FCAR: variants seen among roughly 807,000 people sequenced by gnomAD.
The protein encoded by FCAR is immunoglobulin alpha Fc receptor.
Under a neutral mutation model 27.1 loss-of-function variants are expected in FCAR, and 21 were observed. The observed-to-expected ratio is 0.77, with a 90% confidence interval of 0.55 to 1.11. FCAR has a LOEUF of 1.11. Ranked by LOEUF, FCAR falls within the 50% of genes most tolerant of loss-of-function variation. The probability of loss-of-function intolerance (pLI) is 0.00; values close to 1 mark genes in which losing one functional copy is unlikely to be tolerated. For synonymous variants in FCAR, 134 were observed against 135.8 expected, an observed-to-expected ratio of 0.99 and a Z score of 0.09; for missense variants, 404 against 358.4, an observed-to-expected ratio of 1.13 and a Z score of -1.03.
intron 2 of FCAR, among the ~76,000 whole-genome samples, chr19:54,881,399 T>G (rs1437109452): frequency 1.3e-5 from 2 of 152,054 alleles, no homozygotes; most frequent in East Asian, 1.9e-4. Flanking sequence ...GACCTTCCGT[T>G]GCCTCTGGGA....
intron 2 of FCAR, among the ~76,000 whole-genome samples, chr19:54,880,418 T>G (rs2066346724): frequency 6.6e-6 from 1 of 152,230 alleles, no homozygotes; most frequent in South Asian, 2.1e-4. Flanking sequence ...TTTGGTTCTT[T>G]CAAAATGACC....
At chr19:54,875,238 A>G in intron 1 of FCAR, 92 bp from the exon 2 acceptor site, 1 of 1,002,852 alleles carries the variant, frequency 1.0e-6, no homozygotes, top group Non-Finnish European at 1.6e-6. Flanking sequence ...TCCATCTGGT[A>G]CTGGTCTTTT....
Position 54,890,775 on chromosome 19 carries a change from T to A in FCAR, c.*912T>A, listed in dbSNP as rs2067037346. The A allele has an allele frequency of 6.6e-6, 1 of 152,142 alleles. No homozygotes were observed. Among genetic ancestry groups the A allele is most frequent in the Non-Finnish European group, 1.5e-5 (1 of 68,032 alleles). The allele number at this position is 152,142 out of a possible 1,614,324, so 9.4% of individuals were successfully genotyped here. A position where few individuals can be genotyped will look rare whatever the true frequency, so the allele number is the denominator to read the frequency against. On this transcript the variant is annotated 3_prime_UTR_variant, in exon 5 of 5. Coordinates refer to ENST00000355524, the MANE Select transcript of FCAR (RefSeq NM_002000.4). ...GTCTTCCCCAAATATAAATGGTTGG[T>A]AAGCATGCCAAATATATTCAATAAC...
rs370102050 is a variant in FCAR, at chr19:54,889,671, G to A, written c.672G>A (p.Thr224=). The stretch of plus-strand genomic sequence containing the variant: ...CAGACTCCATCCACCAAGATTACAC[G>A]ACGCAGAACTTGATCCGCATGGCCG... ...VVTDSIHQDY[T]TQNLIRMAVA... Residue 224 remains threonine, a synonymous_variant, in exon 5 of 5, where the codon ACG becomes ACA. Transcript: ENST00000355524. 2.5e-5 allele frequency: 41 copies of A among 1,613,896 alleles called. No homozygotes were observed. In the African/African-American group the frequency reaches 2.7e-4, roughly 11 times the overall value.
rs753943019 is a variant in FCAR at position 54,889,840 on chromosome 19, C to T, written c.841C>T (p.Arg281Ter). The T allele has an allele frequency of 5.6e-6, 9 of 1,605,302 alleles. No individual in the cohort carries two copies. The highest frequency in any genetic ancestry group is 2.7e-5 in the African/African-American group (2 of 74,860). The change falls in exon 5 of 5, where the codon CGA becomes TGA. Residue 281 changes from arginine (R) to a stop codon, truncating the protein, a stop_gained. Transcript: ENST00000355524. LOFTEE classifies it high-confidence loss of function. The part of the protein sequence containing the change: ...QMCQPGLTFA[R>*]TPSVCK The stretch of plus-strand genomic sequence containing the variant: ...GTGTCAGCCAGGATTGACCTTTGCA[C>T]GAACACCAAGTGTCTGCAAGTAAAC...
chr19:54,886,837 A>G (rs1241253299), intron 3 of FCAR, among the ~76,000 whole-genome samples: 1 of 152,244 alleles, frequency 6.6e-6, no homozygotes, highest in African/African-American at 2.4e-5. Flanking sequence ...TGTTTTGCTC[A>G]TGACTAGACT....
chr19:54,890,610 A>G lies in FCAR; in HGVS notation c.*747A>G, dbSNP rs1252118270. The G allele has an allele frequency of 6.6e-6, 1 of 151,750 alleles. No homozygotes were observed. Among genetic ancestry groups the G allele is most frequent in the East Asian group, 2.0e-4 (1 of 5,114 alleles). 9.4% of individuals were successfully genotyped at this position (151,750 alleles called of 1,614,324 possible). Reference sequence around the variant, plus strand: ...GCCCAGCTACTTTTACAGTATTTTTAGTAGAGACGGGGTTTCATCACATTG... The same window carrying G: ...GCCCAGCTACTTTTACAGTATTTTTGGTAGAGACGGGGTTTCATCACATTG... On this transcript the variant is annotated 3_prime_UTR_variant, in exon 5 of 5. Transcript: ENST00000355524.
intron 3 of FCAR, among the ~76,000 whole-genome samples, chr19:54,886,962 T>C (rs1030573970): frequency 6.6e-6 from 1 of 152,198 alleles, no homozygotes; most frequent in African/African-American, 2.4e-5. Flanking sequence ...CTGGCTGTTG[T>C]TGAAAGCCTG....
At chr19:54,885,606 T>A in intron 3 of FCAR, 81 bp downstream of exon 3, 1 of 1,124,014 alleles carries the variant, frequency 8.9e-7, no homozygotes, top group Admixed American at 2.7e-5. Flanking sequence ...AAGTTTTAGA[T>A]TTACAAACAA....
intron 2 of FCAR, among the ~76,000 whole-genome samples, chr19:54,879,710 C>A (rs958759791): frequency 7.0e-6 from 1 of 143,662 alleles, no homozygotes; most frequent in Admixed American, 7.2e-5. Flanking sequence ...GAGTCTTGCT[C>A]TGTTGCCCAG....
Position 54,890,374 on chromosome 19 carries a change from T to G in FCAR, c.*511T>G, listed in dbSNP as rs2067012139. ...ATCTGTCTTCTGATTTTTTATATCC[T>G]GTTTAATTTCTTCCTTCATTGTTCT... On this transcript the variant is annotated 3_prime_UTR_variant, in exon 5 of 5. Transcript: ENST00000355524. 6.6e-6 allele frequency: 1 copy of G among 152,248 alleles called. No homozygotes were observed. Among genetic ancestry groups the G allele is most frequent in the Admixed American group, 6.6e-5 (1 of 15,264 alleles). 9.4% of individuals were successfully genotyped at this position (152,248 alleles called of 1,614,324 possible).
intron 1 of FCAR, among the ~76,000 whole-genome samples, chr19:54,874,653 T>C (rs889399002): frequency 6.6e-6 from 1 of 152,130 alleles, no homozygotes; most frequent in Non-Finnish European, 1.5e-5. Context: ...ACTGTGATTG[T>C]TGTGGAAGGA....
chr19:54,890,448 G>A lies in FCAR; in HGVS notation c.*585G>A, dbSNP rs2067017298. On this transcript the variant is annotated 3_prime_UTR_variant, in exon 5 of 5. Transcript: ENST00000355524. ...TATTTTTATTTTTATTTTTATTTGA[G>A]ACAGAGTCTCACTCTGTTGCCCAGG... 2 of 149,892 alleles carry A rather than the reference G, an allele frequency of 1.3e-5. No individual in the cohort carries two copies. Among genetic ancestry groups the A allele is most frequent in the East Asian group, 2.0e-4 (1 of 5,088 alleles). The allele number at this position is 149,892 out of a possible 1,614,324, so 9.3% of individuals were successfully genotyped here. A position where few individuals can be genotyped will look rare whatever the true frequency, so the allele number is the denominator to read the frequency against.
chr19:54,888,816 C>T (rs2066902530), intron 4 of FCAR: 1 of 992,792 alleles, frequency 1.0e-6, no homozygotes, highest in Non-Finnish European at 1.2e-6. Context: ...AGGCTGCACA[C>T]ATTCTTATTA....
intron 1 of FCAR, among the ~76,000 whole-genome samples, chr19:54,874,848 T>G (rs1414616332): frequency 6.6e-6 from 1 of 152,112 alleles, no homozygotes; most frequent in Admixed American, 6.6e-5. Flanking sequence ...CCTCCAGGAT[T>G]TTTTTCAATA....
intron 2 of FCAR, among the ~76,000 whole-genome samples, chr19:54,883,898 A>C (rs587638255): frequency 6.6e-6 from 1 of 152,068 alleles, no homozygotes; most frequent in African/African-American, 2.4e-5. Context: ...CGGAGCTTGC[A>C]GTGAGCCAAG....
At chr19:54,889,364 TC>T (rs892646745) in intron 4 of FCAR, among the ~76,000 whole-genome samples, 7 of 87,670 alleles carry the variant, frequency 8.0e-5, no homozygotes, top group Non-Finnish European at 1.2e-4. Context: ...AGAGTGAGAC[TC>T]CATCTCAAAA....
chr19:54,888,863 T>C, intron 4 of FCAR: 1 of 986,148 alleles, frequency 1.0e-6, no homozygotes, highest in Non-Finnish European at 1.2e-6. Flanking sequence ...GAGATGTGAT[T>C]AGGTATTTAG....
chr19:54,878,107 C>T (rs375407035), intron 2 of FCAR, among the ~76,000 whole-genome samples: 2 of 151,976 alleles, frequency 1.3e-5, no homozygotes, highest in Non-Finnish European at 2.9e-5. Context: ...TTAGTAAAGA[C>T]GGGGTTTCAC....
Sources: allele counts gnomAD v4.1 joint callset (sites outside exome capture counted in the v4.1 genomes callset), GRCh38; gene constraint gnomAD v4.1.1; transcripts MANE v1.5; gene names NCBI Gene and HGNC (gene_info 2026-07-23, HGNC 2026-07-21).